Variants in BNC2 observed in about 807,000 individuals in gnomAD.
BNC2 encodes the protein basonuclin zinc finger protein 2.
BNC2 carries 20 observed loss-of-function variants against 76.3 expected under a neutral mutation model. The ratio of observed to expected loss-of-function variants is 0.26; its 90% CI spans 0.18 to 0.38. The LOEUF (loss-of-function observed/expected upper bound fraction) is 0.38. Among genes scored for constraint, BNC2 ranks in the 10% least tolerant of loss-of-function variants. The pLI is 1.00. For missense variants in BNC2, 1,382 were observed against 1,399.8 expected (o/e 0.99, Z 0.20); for synonymous variants, 582 against 514.8 (o/e 1.13, Z -1.77).
chr9:16,631,965 G>C (rs1286764150), intron 3 of BNC2, among the ~76,000 whole-genome samples: 1 of 152,190 alleles, frequency 6.6e-6, no homozygotes, highest in Non-Finnish European at 1.5e-5. Context: ...AATCGGCAAA[G>C]AACTACCAGC....
intron 3 of BNC2, among the ~76,000 whole-genome samples, chr9:16,619,385 T>G (rs1002417786): frequency 6.6e-6 from 1 of 151,490 alleles, no homozygotes. Flanking sequence ...GCAGGCTTCC[T>G]GTGATTGCAG....
At chr9:16,751,939 G>A (rs1056309234) in intron 1 of BNC2, among the ~76,000 whole-genome samples, 4 of 151,974 alleles carry the variant, frequency 2.6e-5, no homozygotes, top group African/African-American at 9.7e-5. Flanking sequence ...TGAGGCAAAA[G>A]AATTGCTTGA....
chr9:16,770,682 T>A (rs1825809428), intron 1 of BNC2, among the ~76,000 whole-genome samples: 1 of 151,304 alleles, frequency 6.6e-6, no homozygotes, highest in Admixed American at 6.6e-5. Context: ...ATGGGCAACA[T>A]GGTAAAACCC....
intron 1 of BNC2, among the ~76,000 whole-genome samples, chr9:16,743,791 C>T (rs776183676): frequency 5.3e-5 from 8 of 152,118 alleles, no homozygotes; most frequent in Non-Finnish European, 1.0e-4. Context: ...TTTTTTCTCC[C>T]CCATTCCATA....
chr9:16,823,427 C>CAAAAA (rs34451487), intron 1 of BNC2, among the ~76,000 whole-genome samples: 1 of 113,108 alleles, frequency 8.8e-6, no homozygotes, highest in African/African-American at 3.7e-5. Flanking sequence ...CCTGTCTCTA[C>CAAAAA]AAAAAAAAAA....
intron 3 of BNC2, among the ~76,000 whole-genome samples, chr9:16,615,398 T>A (rs1426778402): frequency 6.6e-6 from 1 of 152,152 alleles, no homozygotes; most frequent in African/African-American, 2.4e-5. Context: ...ATGCAAGGAC[T>A]CTCTGACATT....
intron 1 of BNC2, among the ~76,000 whole-genome samples, chr9:16,868,689 T>G (rs530620397): frequency 6.6e-6 from 1 of 152,222 alleles, no homozygotes; most frequent in South Asian, 2.1e-4. Context: ...TCTGGACTTT[T>G]AATACAGCGC....
chr9:16,800,587 C>A (rs1817757201), intron 1 of BNC2, among the ~76,000 whole-genome samples: 1 of 151,570 alleles, frequency 6.6e-6, no homozygotes, highest in Admixed American at 6.6e-5. Context: ...TTTCATTGAT[C>A]ATGTATTTCT....
chr9:16,625,764 C>T (rs1489501582), intron 3 of BNC2: 1 of 152,304 alleles, frequency 6.6e-6, no homozygotes, highest in Non-Finnish European at 1.5e-5. Flanking sequence ...GGGCATCGCA[C>T]TCCTCTACCT....
chr9:16,516,546 G>T (rs1817446443), intron 5 of BNC2, among the ~76,000 whole-genome samples: 1 of 152,108 alleles, frequency 6.6e-6, no homozygotes, highest in African/African-American at 2.4e-5. Flanking sequence ...CCAATACAGG[G>T]TGAGAACTCA....
chr9:16,773,942 C>T (rs1825895912), intron 1 of BNC2, among the ~76,000 whole-genome samples: 1 of 152,096 alleles, frequency 6.6e-6, no homozygotes, highest in African/African-American at 2.4e-5. Context: ...AACTTCAAGC[C>T]CAAAGGTCCA....
rs3223265 is a variant in BNC2 at position 16,418,873 on chromosome 9, GCA to G, written c.*114_*115del. The G allele has an allele frequency of 0.039, 32,024 of 821,372 alleles. 36 individuals carry two copies. The highest frequency in any genetic ancestry group is 0.055 in the Middle Eastern group (181 of 3,286). 50.9% of individuals were successfully genotyped at this position (821,372 alleles called of 1,614,324 possible). A position where few individuals can be genotyped will look rare whatever the true frequency, so the allele number is the denominator to read the frequency against. ...ATGTAGCCACAGAGCATACATAAAT[GCA>G]CACACACACACACACACACACACAC... On this transcript the variant is annotated 3_prime_UTR_variant, in exon 7 of 7. Transcript: ENST00000380672.
intron 3 of BNC2, among the ~76,000 whole-genome samples, chr9:16,667,227 G>GTAA (rs1822327017): frequency 6.6e-6 from 1 of 152,138 alleles, no homozygotes; most frequent in Admixed American, 6.5e-5. Flanking sequence ...GTCCTCTTTT[G>GTAA]TAATAATAGC....
At chr9:16,846,044 G>A (rs189211734) in intron 1 of BNC2, among the ~76,000 whole-genome samples, 3 of 151,750 alleles carry the variant, frequency 2.0e-5, no homozygotes, top group African/African-American at 4.8e-5. Flanking sequence ...GGAGGCTGAC[G>A]CAGGAGAATG....
intron 3 of BNC2, among the ~76,000 whole-genome samples, chr9:16,593,441 A>G (rs1421229718): frequency 2.6e-5 from 4 of 152,134 alleles, no homozygotes; most frequent in African/African-American, 4.8e-5. Context: ...TTAGAAGTTC[A>G]GAGTAAAAAT....
intron 6 of BNC2, among the ~76,000 whole-genome samples, chr9:16,425,151 C>A (rs1342152526): frequency 1.3e-5 from 2 of 152,126 alleles, no homozygotes; most frequent in African/African-American, 4.8e-5. Flanking sequence ...GAAACTCAGT[C>A]ATTTCAACCC....
intron 3 of BNC2, among the ~76,000 whole-genome samples, chr9:16,657,708 T>C (rs992144689): frequency 6.7e-6 from 1 of 150,106 alleles, no homozygotes; most frequent in African/African-American, 2.5e-5. Context: ...TTTATCCATA[T>C]AATGGAATAA....
intron 5 of BNC2, among the ~76,000 whole-genome samples, chr9:16,470,930 G>A (rs1052774291): frequency 2.0e-5 from 3 of 152,174 alleles, no homozygotes; most frequent in African/African-American, 4.8e-5. Context: ...GAGGGCCACC[G>A]ACCTTTAGAC....
intron 2 of BNC2, among the ~76,000 whole-genome samples, chr9:16,729,747 A>T (rs1185387267): frequency 1.3e-5 from 2 of 152,128 alleles, no homozygotes; most frequent in African/African-American, 4.8e-5. Flanking sequence ...CTGTACCTTT[A>T]GTGCTAGCTA....
Sources: allele counts gnomAD v4.1 joint callset (sites outside exome capture counted in the v4.1 genomes callset), GRCh38; gene constraint gnomAD v4.1.1; transcripts MANE v1.5; gene names NCBI Gene and HGNC (gene_info 2026-07-23, HGNC 2026-07-21).